The following ACYP2 variants were observed in gnomAD, a reference collection of about 807,000 sequenced individuals.
ACYP2 encodes the protein acylphosphatase-2.
ACYP2 carries 12 observed loss-of-function variants against 11.2 expected under a neutral mutation model. The ratio of observed to expected loss-of-function variants is 1.08; its 90% CI spans 0.69 to 1.74. The LOEUF is 1.74. Among genes scored for constraint, ACYP2 ranks in the 40% most tolerant of loss-of-function variants. The pLI is 0.00. For synonymous variants in ACYP2, 43 were observed against 32.2 expected (o/e 1.33, Z -1.13); for missense variants, 134 against 101.9 (o/e 1.31, Z -1.35).
intron 4 of ACYP2, among the ~76,000 whole-genome samples, chr2:54,130,699 A>G (rs1437388485): frequency 1.3e-5 from 2 of 152,228 alleles, no homozygotes; most frequent in Non-Finnish European, 2.9e-5. Flanking sequence ...GTAAATCTTC[A>G]GTAACGACTG....
chr2:53,979,061 A>T (rs1427964597), intron 2 of ACYP2, among the ~76,000 whole-genome samples: 1 of 145,658 alleles, frequency 6.9e-6, no homozygotes, highest in Non-Finnish European at 1.5e-5. Context: ...TCTACTTATT[A>T]AAAAAAAAAA....
chr2:54,024,949 C>T (rs937895022), intron 2 of ACYP2, among the ~76,000 whole-genome samples: 1 of 152,112 alleles, frequency 6.6e-6, no homozygotes, highest in African/African-American at 2.4e-5. Flanking sequence ...CAACAGCAAC[C>T]AAGCTGAGAA....
chr2:53,975,935 G>T (rs1671459770), intron 2 of ACYP2, among the ~76,000 whole-genome samples: 1 of 152,184 alleles, frequency 6.6e-6, no homozygotes, highest in Admixed American at 6.5e-5. Flanking sequence ...CACTCTTCTT[G>T]CAAGACCCAG....
chr2:54,089,578 A>G (rs1340089404), intron 4 of ACYP2, among the ~76,000 whole-genome samples: 1 of 151,730 alleles, frequency 6.6e-6, no homozygotes, highest in Non-Finnish European at 1.5e-5. Flanking sequence ...TCTCTACAAA[A>G]CAAATTAAAA....
At chr2:54,209,863 C>T (rs558756030) in intron 6 of ACYP2, among the ~76,000 whole-genome samples, 4 of 151,998 alleles carry the variant, frequency 2.6e-5, no homozygotes, top group African/African-American at 7.2e-5. Context: ...AAATCAAGGC[C>T]GGCGCAGTGG....
At chr2:54,116,103 G>A (rs59005281) in intron 4 of ACYP2, among the ~76,000 whole-genome samples, 2,650 of 152,262 alleles carry the variant, frequency 0.017, 91 homozygotes, top group African/African-American at 0.061. Context: ...TAGTGGTCTC[G>A]TTGCTTGCCA....
At chr2:54,141,262 C>G (rs1000545730) in intron 6 of ACYP2, among the ~76,000 whole-genome samples, 4 of 152,146 alleles carry the variant, frequency 2.6e-5, no homozygotes, top group Non-Finnish European at 5.9e-5. Context: ...TTGGTTTCGT[C>G]TATGATAGCT....
At chr2:54,068,373 G>A (rs1676852340) in intron 4 of ACYP2, among the ~76,000 whole-genome samples, 1 of 152,184 alleles carries the variant, frequency 6.6e-6, no homozygotes, top group South Asian at 2.1e-4. Flanking sequence ...CTGGTCACAG[G>A]TAGGCATCTG....
At chr2:54,226,472 A>C (rs975215144) in intron 6 of ACYP2, among the ~76,000 whole-genome samples, 16 of 152,022 alleles carry the variant, frequency 1.1e-4, no homozygotes, top group Non-Finnish European at 4.4e-5. Context: ...TCAGGAAAAG[A>C]GTTGAGCCAT....
At chr2:54,099,370 A>G (rs550582702) in intron 4 of ACYP2, among the ~76,000 whole-genome samples, 27 of 152,296 alleles carry the variant, frequency 1.8e-4, no homozygotes, top group Admixed American at 5.9e-4. Flanking sequence ...TATACCGTAG[A>G]TCTTTTGAAC....
intron 6 of ACYP2, among the ~76,000 whole-genome samples, chr2:54,203,411 T>C (rs1215142): frequency 0.34 from 51,357 of 150,156 alleles, 9,390 homozygotes; most frequent in African/African-American, 0.5. Flanking sequence ...CATATGCAAA[T>C]AGAGATAGTT....
At chr2:54,167,225 A>G (rs1274435250) in intron 6 of ACYP2, among the ~76,000 whole-genome samples, 4 of 152,200 alleles carry the variant, frequency 2.6e-5, no homozygotes. Context: ...TGATTCAGTT[A>G]TCTAACATGT....
intron 6 of ACYP2, among the ~76,000 whole-genome samples, chr2:54,229,243 G>C (rs569761739): frequency 2.6e-5 from 4 of 152,306 alleles, no homozygotes; most frequent in African/African-American, 7.2e-5. Flanking sequence ...GATACCCAAA[G>C]ACTGTGGAAC....
chr2:53,982,828 CTGTGTG>C (rs3066946), intron 2 of ACYP2, among the ~76,000 whole-genome samples: 6,435 of 140,566 alleles, frequency 0.046, 180 homozygotes, highest in Non-Finnish European at 0.063. Flanking sequence ...TCACACAAGA[CTGTGTG>C]TGTGTGTGTG....
intron 6 of ACYP2, among the ~76,000 whole-genome samples, chr2:54,213,301 T>C (rs1685407786): frequency 6.6e-6 from 1 of 152,232 alleles, no homozygotes; most frequent in Admixed American, 6.5e-5. Context: ...TAGTATTCCA[T>C]GGTGTATATG....
intron 6 of ACYP2, among the ~76,000 whole-genome samples, chr2:54,178,361 C>T (rs1006375505): frequency 2.0e-5 from 3 of 152,058 alleles, no homozygotes; most frequent in Non-Finnish European, 2.9e-5. Context: ...GTTGTTTATC[C>T]AGTAGTGCTA....
intron 4 of ACYP2, among the ~76,000 whole-genome samples, chr2:54,127,764 A>G (rs1272026886): frequency 1.3e-5 from 2 of 151,870 alleles, no homozygotes; most frequent in East Asian, 1.9e-4. Context: ...AAAAAAAAAA[A>G]AAAAAAAGCT....
chr2:54,299,713 C>T (rs918786898), intron 6 of ACYP2, among the ~76,000 whole-genome samples: 2 of 152,112 alleles, frequency 1.3e-5, no homozygotes, highest in East Asian at 1.9e-4. Flanking sequence ...TCACCCACTC[C>T]GGGAAACATC....
intron 6 of ACYP2, among the ~76,000 whole-genome samples, chr2:54,171,842 C>T (rs1489272488): frequency 6.6e-6 from 1 of 152,104 alleles, no homozygotes; most frequent in Non-Finnish European, 1.5e-5. Flanking sequence ...AGTTCTTTCT[C>T]CTCTTTAAGG....
Sources: allele counts gnomAD v4.1 joint callset (sites outside exome capture counted in the v4.1 genomes callset), GRCh38; gene constraint gnomAD v4.1.1; transcripts MANE v1.5; gene names NCBI Gene and HGNC (gene_info 2026-07-23, HGNC 2026-07-21).